The following CDYL2 variants were observed in gnomAD, a reference collection of about 807,000 sequenced individuals.
CDYL2 encodes the protein chromodomain Y-like protein 2.
A neutral mutation model predicts 49.4 loss-of-function variants in CDYL2; 23 were observed. The observed-to-expected ratio is 0.47, with a 90% CI of 0.34 to 0.66. The LOEUF (loss-of-function observed/expected upper bound fraction) is 0.66, where lower values mean the gene tolerates loss of function less well. CDYL2 is among the 30% of genes least tolerant of loss of function. The pLI, the probability that CDYL2 is intolerant of heterozygous loss-of-function variation, is 0.01. For missense variants in CDYL2, 678 were observed against 656.4 expected, an observed-to-expected ratio of 1.03 and a Z score of -0.36; for synonymous variants, 360 against 268.8, an observed-to-expected ratio of 1.34 and a Z score of -3.32.
intron 1 of CDYL2, among the ~76,000 whole-genome samples, chr16:80,795,598 G>A (rs902588492): frequency 4.6e-5 from 7 of 152,234 alleles, no homozygotes; most frequent in Admixed American, 6.5e-5. Flanking sequence ...GGACCAAGAA[G>A]TGCTACTCCA....
intron 1 of CDYL2, among the ~76,000 whole-genome samples, chr16:80,724,990 C>A (rs1428395274): frequency 6.6e-6 from 1 of 152,224 alleles, no homozygotes; most frequent in Non-Finnish European, 1.5e-5. Context: ...GACTTCTGAG[C>A]AGTCTACTGA....
Position 80,708,718 on chromosome 16 carries a change from A to G in CDYL2, c.25-23589T>C, listed in dbSNP as rs190393268. ...TCAGCTGGTAGTCAAATTTCCTTTT[A>G]AAAATGAACAAATAAATAAAACACA... On this transcript the variant is annotated intron_variant, in intron 1 of 6. Coordinates refer to ENST00000570137, the MANE Select transcript of CDYL2 (RefSeq NM_152342.4). Among the ~76,000 whole-genome samples, 36 of 152,282 alleles carry G rather than the reference A, an allele frequency of 2.4e-4. 1 individual carries two copies. The highest frequency in any genetic ancestry group is 2.2e-3 in the Admixed American group (34 of 15,296).
In CDYL2 at chr16:80,712,213, A is replaced by C. The variant is rs375313717; in HGVS notation, c.25-27084T>G. Among the ~76,000 whole-genome samples, 28 of 107,438 alleles carry C rather than the reference A, an allele frequency of 2.6e-4. 1 individual carries two copies. The highest frequency in any genetic ancestry group is 5.4e-4 in the Non-Finnish European group (22 of 41,072). The allele number at this position is 107,438 out of a possible 152,430, so 70.5% of individuals were successfully genotyped here. A position where few individuals can be genotyped will look rare whatever the true frequency, so the allele number is the denominator to read the frequency against. ...TGTGTATATATATATATATATATATATATCTCCAAACCACTGCTCACTGTG... is the reference window on the plus strand; with the variant it reads ...TGTGTATATATATATATATATATATCTATCTCCAAACCACTGCTCACTGTG... On this transcript the variant is annotated intron_variant, in intron 1 of 6. Transcript: ENST00000570137.
chr16:80,622,932 T>A (rs1202330224), intron 3 of CDYL2, among the ~76,000 whole-genome samples: 1 of 152,084 alleles, frequency 6.6e-6, no homozygotes, highest in Non-Finnish European at 1.5e-5. Flanking sequence ...CAACCCCTTG[T>A]GAGGTGGGCA....
At chr16:80,755,235 G>C (rs971946105) in intron 1 of CDYL2, among the ~76,000 whole-genome samples, 9 of 152,190 alleles carry the variant, frequency 5.9e-5, no homozygotes, top group African/African-American at 2.2e-4. Context: ...GACTCTAAGA[G>C]GCTGTGTTTG....
chr16:80,709,765 A>C (rs1904530583), intron 1 of CDYL2, among the ~76,000 whole-genome samples: 1 of 152,120 alleles, frequency 6.6e-6, no homozygotes, highest in African/African-American at 2.4e-5. Flanking sequence ...AAAGTGCCAC[A>C]TTTATTGTAG....
At chr16:80,792,237 T>C (rs1907632691) in intron 1 of CDYL2, among the ~76,000 whole-genome samples, 1 of 152,092 alleles carries the variant, frequency 6.6e-6, no homozygotes, top group African/African-American at 2.4e-5. Flanking sequence ...TTGGCAATCA[T>C]CCATACAATC....
At chr16:80,800,380 C>T (rs1034575433) in intron 1 of CDYL2, among the ~76,000 whole-genome samples, 10 of 152,166 alleles carry the variant, frequency 6.6e-5, no homozygotes, top group East Asian at 1.9e-4. Flanking sequence ...AATGTGGACA[C>T]GGCAAAGGCT....
rs1197626297 is a variant in CDYL2, at chr16:80,708,606, AGAAAGGATTTCT to A, written c.25-23489_25-23478del. Among the ~76,000 whole-genome samples, 5 of 152,348 alleles carry A rather than the reference AGAAAGGATTTCT, an allele frequency of 3.3e-5. No individual in the cohort carries two copies. The South Asian group carries it at 6.2e-4, about 19-fold the overall frequency. Reference sequence around the variant, plus strand: ...CCATCCCATTTTGAGGATGAGGCTCAGAAAGGATTTCTGTCAAGGAGAAAACTCAACCTGTCC... The same window carrying A: ...CCATCCCATTTTGAGGATGAGGCTCAGTCAAGGAGAAAACTCAACCTGTCC... On this transcript the variant is annotated intron_variant, in intron 1 of 6. Coordinates refer to ENST00000570137, the MANE Select transcript of CDYL2 (RefSeq NM_152342.4).
chr16:80,670,688 A>G (rs552827400), intron 2 of CDYL2, among the ~76,000 whole-genome samples: 116 of 152,130 alleles, frequency 7.6e-4, no homozygotes, highest in Admixed American at 1.8e-3. Flanking sequence ...AGGTGCGCAA[A>G]CCTATTTCCA....
chr16:80,787,574 G>C (rs897294330), intron 1 of CDYL2, among the ~76,000 whole-genome samples: 1 of 152,054 alleles, frequency 6.6e-6, no homozygotes, highest in African/African-American at 2.4e-5. Context: ...ACCTAGGACA[G>C]ATATAAAATA....
At chr16:80,647,833 T>C (rs897691867) in intron 2 of CDYL2, among the ~76,000 whole-genome samples, 1 of 152,170 alleles carries the variant, frequency 6.6e-6, no homozygotes, top group Non-Finnish European at 1.5e-5. Flanking sequence ...CATCTTCTTC[T>C]CTAACCACAA....
intron 4 of CDYL2, among the ~76,000 whole-genome samples, chr16:80,620,344 C>G (rs548459953): frequency 6.9e-4 from 105 of 152,276 alleles, no homozygotes; most frequent in African/African-American, 2.5e-3. Flanking sequence ...CACTGCTGAG[C>G]TACGGCAGTG....
At chr16:80,701,722 A>C (rs1185715458) in intron 1 of CDYL2, among the ~76,000 whole-genome samples, 1 of 152,258 alleles carries the variant, frequency 6.6e-6, no homozygotes, top group Non-Finnish European at 1.5e-5. Flanking sequence ...GGTTTGCAAC[A>C]AACTGATCGA....
chr16:80,702,183 A>AACAC (rs35071485), intron 1 of CDYL2, among the ~76,000 whole-genome samples: 9,337 of 142,756 alleles, frequency 0.065, 284 homozygotes, highest in East Asian at 0.099. Context: ...GAAGGCCTAA[A>AACAC]ACACACACAC....
intron 2 of CDYL2, among the ~76,000 whole-genome samples, chr16:80,653,745 G>A (rs9930141): frequency 0.47 from 72,089 of 152,006 alleles, 18,881 homozygotes; most frequent in African/African-American, 0.68. Flanking sequence ...TATGTTTTAG[G>A]AATTAAGTTC....
At chr16:80,646,652 A>T (rs1280542392) in intron 2 of CDYL2, among the ~76,000 whole-genome samples, 2 of 152,022 alleles carry the variant, frequency 1.3e-5, no homozygotes, top group South Asian at 2.1e-4. Flanking sequence ...AGCTGGGCAG[A>T]GTGGCGTGTG....
intron 2 of CDYL2, among the ~76,000 whole-genome samples, chr16:80,642,294 T>C (rs1196316268): frequency 6.6e-6 from 1 of 151,948 alleles, no homozygotes. Flanking sequence ...AATGCAAAAA[T>C]TAGCTGGGCA....
chr16:80,684,164 G>A (rs975455569), intron 2 of CDYL2, among the ~76,000 whole-genome samples: 17 of 152,208 alleles, frequency 1.1e-4, no homozygotes, highest in African/African-American at 4.1e-4. Context: ...CTGTGCCCTG[G>A]GAGGCACTGG....
Sources: allele counts gnomAD v4.1 joint callset (sites outside exome capture counted in the v4.1 genomes callset), GRCh38; gene constraint gnomAD v4.1.1; transcripts MANE v1.5; gene names NCBI Gene and HGNC (gene_info 2026-07-23, HGNC 2026-07-21).